Variants in PTPN22 observed in about 807,000 individuals in gnomAD.
The protein encoded by PTPN22 is protein tyrosine phosphatase non-receptor type 22, also known as tyrosine-protein phosphatase non-receptor type 22.
PTPN22 carries 85 observed loss-of-function variants against 103.3 expected under a neutral mutation model. The observed-to-expected ratio is 0.82, with a 90% CI of 0.69 to 0.99. The LOEUF is 0.99. PTPN22 is among the 50% of genes least tolerant of loss of function. The probability of loss-of-function intolerance (pLI) is 0.00; values close to 1 mark genes in which losing one functional copy is unlikely to be tolerated. For missense variants in PTPN22, 865 were observed against 936.9 expected (o/e 0.92, Z 1.00); for synonymous variants, 323 against 310.2 (o/e 1.04, Z -0.43).
At chr1:113,859,047 TATC>T (rs1259107998) in exon 3 of PTPN22, 1 of 1,613,924 alleles carries the variant, frequency 6.2e-7, no homozygotes, top group African/African-American at 1.3e-5. Flanking sequence ...CATCAGAGGT[TATC>T]AGGGATAGTT....
At chr1:113,828,848 G>C (rs1271105509) in intron 18 of PTPN22, among the ~76,000 whole-genome samples, 2 of 152,056 alleles carry the variant, frequency 1.3e-5, no homozygotes, top group African/African-American at 2.4e-5. Flanking sequence ...TGTTGCCCAG[G>C]CTGGTCTCGA....
intron 16 of PTPN22, among the ~76,000 whole-genome samples, chr1:113,831,362 G>A (rs1259030168): frequency 6.6e-6 from 1 of 152,034 alleles, no homozygotes; most frequent in African/African-American, 2.4e-5. Flanking sequence ...CACCCTAGAA[G>A]GAAACTCTGC....
At position 113,840,705 on chromosome 1, in the gene PTPN22, T is replaced by C. The variant is rs761744634; in HGVS notation, c.916-2085A>G. 2.0e-5 allele frequency among the ~76,000 whole-genome samples: 3 copies of C among 152,206 alleles called. No individual in the cohort carries two copies. The East Asian group carries it at 5.8e-4, about 29-fold the overall frequency. On this transcript the variant is annotated intron_variant, in intron 11 of 20. Coordinates refer to ENST00000359785, the Ensembl canonical transcript of PTPN22. Reference sequence around the variant, plus strand: ...CTTGAAAAAGAAGAGCAAAGTTGAATGACACACTACCTGATTTCAAAAATT... The same window carrying C: ...CTTGAAAAAGAAGAGCAAAGTTGAACGACACACTACCTGATTTCAAAAATT...
chr1:113,837,875 T>G, exon 13 of PTPN22: 1 of 1,614,154 alleles, frequency 6.2e-7, no homozygotes, highest in African/African-American at 1.3e-5. Context: ...GCATTACGTA[T>G]TTGGTGTTTA....
chr1:113,859,983 A>AT (rs1335908554), intron 1 of PTPN22, among the ~76,000 whole-genome samples: 1 of 122,050 alleles, frequency 8.2e-6, no homozygotes, highest in Non-Finnish European at 1.6e-5. Context: ...TTTTTTTGAG[A>AT]TAAAGTTTCA....
chr1:113,834,471 A>G (rs1599971), intron 14 of PTPN22, 32 bp from the exon 15 acceptor site: 1,184,435 of 1,592,586 alleles, frequency 0.74, 446,079 homozygotes, highest in African/African-American at 0.9. Context: ...TCGGTTCTTA[A>G]GAATAGTATT....
At chr1:113,816,420 AG>A (rs1305391232) in intron 20 of PTPN22, among the ~76,000 whole-genome samples, 1 of 113,814 alleles carries the variant, frequency 8.8e-6, no homozygotes, top group Non-Finnish European at 1.9e-5. Context: ...AAGGCTGCAG[AG>A]GGGAAAAAAA....
chr1:113,822,904 A>T (rs1041958480), intron 19 of PTPN22, among the ~76,000 whole-genome samples: 3 of 152,204 alleles, frequency 2.0e-5, no homozygotes, highest in Non-Finnish European at 4.4e-5. Context: ...GGTTGCAGTG[A>T]GCCGAGATCG....
At chr1:113,829,642 A>T in exon 18 of PTPN22, 2 of 1,610,004 alleles carry the variant, frequency 1.2e-6, no homozygotes, top group Non-Finnish European at 1.7e-6. Context: ...TGTTTTGAAG[A>T]TGTTGAATTT....
At chr1:113,854,823 C>G in intron 8 of PTPN22, 84 bp downstream of exon 8, 2 of 1,456,236 alleles carry the variant, frequency 1.4e-6, no homozygotes, top group South Asian at 2.7e-5. Context: ...TGCTATTAAC[C>G]TTTTCCCCTT....
At chr1:113,855,232 C>T (rs755262269) in intron 7 of PTPN22, among the ~76,000 whole-genome samples, 183 bp from the exon 8 acceptor site, 15 of 152,070 alleles carry the variant, frequency 9.9e-5, no homozygotes, top group Non-Finnish European at 1.8e-4. Context: ...TGGTGGCTTA[C>T]GCCTGTAATC....
At chr1:113,842,692 A>G (rs1162667272) in intron 11 of PTPN22, among the ~76,000 whole-genome samples, 1 of 152,074 alleles carries the variant, frequency 6.6e-6, no homozygotes, top group Non-Finnish European at 1.5e-5. Flanking sequence ...CAAATAAACA[A>G]AAAACAGAAA....
rs1179149291 is a variant in PTPN22, at chr1:113,843,069, C to T, written c.916-4449G>A. On this transcript the variant is annotated intron_variant, in intron 11 of 20. Transcript: ENST00000359785. The stretch of plus-strand genomic sequence containing the variant: ...GAGCCGAGATCCCGCCACTGCACTC[C>T]AGCCTGGGCGACAGAGCGAGACTCC... 9.9e-5 allele frequency among the ~76,000 whole-genome samples: 11 copies of T among 111,590 alleles called. No homozygotes were observed. In the Admixed American group the frequency reaches 1.1e-3, roughly 12 times the overall value. The allele number at this position is 111,590 out of a possible 152,430, so 73.2% of individuals were successfully genotyped here. A position where few individuals can be genotyped will look rare whatever the true frequency, so the allele number is the denominator to read the frequency against.
At chr1:113,866,704 C>A (rs1028792482) in intron 1 of PTPN22, among the ~76,000 whole-genome samples, 1 of 152,056 alleles carries the variant, frequency 6.6e-6, no homozygotes, top group African/African-American at 2.4e-5. Flanking sequence ...TAAAAATTTA[C>A]ATAAATGGAC....
intron 1 of PTPN22, among the ~76,000 whole-genome samples, chr1:113,866,346 A>C (rs1347864742): frequency 3.9e-5 from 6 of 152,092 alleles, no homozygotes; most frequent in Non-Finnish European, 8.8e-5. Context: ...CCCCATCTCT[A>C]CTAAAAATAC....
rs141918705 is a variant in PTPN22, at chr1:113,849,110, A to G, written c.829-484T>C. Among the ~76,000 whole-genome samples, 768 of 152,332 alleles carry G rather than the reference A, an allele frequency of 5.0e-3. 7 individuals carry two copies. The highest frequency in any genetic ancestry group is 0.016 in the African/African-American group (659 of 41,566). ...TCACAATTGCTCTATAAAGTAGATA[A>G]GCTATTTATACCTATTTACAAACAG... On this transcript the variant is annotated intron_variant, in intron 10 of 20. Coordinates refer to ENST00000359785, the Ensembl canonical transcript of PTPN22.
intron 11 of PTPN22, among the ~76,000 whole-genome samples, chr1:113,843,018 T>G (rs1335607970): frequency 7.7e-6 from 1 of 130,640 alleles, no homozygotes; most frequent in Non-Finnish European, 1.6e-5. Context: ...GAGAATGGCG[T>G]GAACCCGGGA....
exon 16 of PTPN22, chr1:113,833,119 G>A: frequency 1.9e-6 from 3 of 1,565,712 alleles, no homozygotes; most frequent in South Asian, 1.1e-5. Flanking sequence ...ACCTGATTTA[G>A]GACTTCGGAG....
chr1:113,833,196 C>A, intron 15 of PTPN22, 58 bp from the exon 16 acceptor site: 3 of 1,386,312 alleles, frequency 2.2e-6, no homozygotes, highest in Non-Finnish European at 3.0e-6. Flanking sequence ...ATTATACAAA[C>A]TCAAAGCAAA....
Sources: gnomAD v4.1 joint callset for allele counts (sites outside exome capture counted in the v4.1 genomes callset) on GRCh38, gnomAD v4.1.1 for gene constraint, MANE v1.5 for transcripts, NCBI Gene and HGNC (gene_info 2026-07-23, HGNC 2026-07-21) for gene names.